The following BMP6 variants were observed in gnomAD, a reference collection of about 807,000 sequenced individuals.
BMP6 encodes bone morphogenetic protein 6, also known as VG-1-R.
In BMP6, 17 loss-of-function variants were observed where a neutral mutation model predicts 54.1. The ratio of observed to expected loss-of-function variants is 0.31; its 90% confidence interval spans 0.22 to 0.47. BMP6 has a LOEUF of 0.47. Ranked by LOEUF, BMP6 falls within the 20% of genes least tolerant of loss-of-function variation. The pLI is 1.00. For synonymous variants in BMP6, 328 were observed against 291.2 expected (o/e 1.13, Z -1.28); for missense variants, 720 against 690.4 (o/e 1.04, Z -0.48).
intron 1 of BMP6, among the ~76,000 whole-genome samples, chr6:7,817,504 C>A (rs1581260857): frequency 7.1e-6 from 1 of 141,354 alleles, no homozygotes; most frequent in South Asian, 2.2e-4. Flanking sequence ...TGTTCTCACT[C>A]ATAGGTGGGA....
At chr6:7,831,507 G>C (rs983535559) in intron 1 of BMP6, among the ~76,000 whole-genome samples, 9 of 152,170 alleles carry the variant, frequency 5.9e-5, no homozygotes, top group African/African-American at 2.2e-4. Flanking sequence ...TGTGTTAGGG[G>C]TCTATTGCTT....
chr6:7,855,517 G>A (rs1581279016), intron 2 of BMP6, among the ~76,000 whole-genome samples: 2 of 146,240 alleles, frequency 1.4e-5, no homozygotes. Context: ...GTGTGACCAT[G>A]TGCAAGCCAC....
rs189420971 is a variant in BMP6 at position 7,767,188 on chromosome 6, G to A, written c.664+39569G>A. Reference sequence around the variant, plus strand: ...TTTTTAGGAGAGACGGGGTTTCACCGCGGTCTCGATCTCCTGACCTCGTGA... The same window carrying A: ...TTTTTAGGAGAGACGGGGTTTCACCACGGTCTCGATCTCCTGACCTCGTGA... On this transcript the variant is annotated intron_variant, in intron 1 of 6. Coordinates refer to ENST00000283147, the MANE Select transcript of BMP6 (RefSeq NM_001718.6). 6.8e-3 allele frequency among the ~76,000 whole-genome samples: 1,039 copies of A among 151,902 alleles called. 1 individual carries two copies. The highest frequency in any genetic ancestry group is 0.012 in the Non-Finnish European group (791 of 67,936).
intron 1 of BMP6, among the ~76,000 whole-genome samples, chr6:7,815,454 A>G (rs1381167154): frequency 9.2e-5 from 14 of 152,242 alleles, no homozygotes; most frequent in Non-Finnish European, 4.4e-5. Context: ...GAAATAAATC[A>G]GATGTTTATA....
chr6:7,817,032 A>G (rs976570083), intron 1 of BMP6, among the ~76,000 whole-genome samples: 1 of 152,190 alleles, frequency 6.6e-6, no homozygotes, highest in Non-Finnish European at 1.5e-5. Context: ...GCAAACAAAG[A>G]TACACGTCCT....
chr6:7,738,712 T>G (rs902164709), intron 1 of BMP6, among the ~76,000 whole-genome samples: 1 of 152,236 alleles, frequency 6.6e-6, no homozygotes, highest in Non-Finnish European at 1.5e-5. Flanking sequence ...TGCAGCTTAA[T>G]TTGACACATT....
At chr6:7,762,029 C>G (rs184582005) in intron 1 of BMP6, among the ~76,000 whole-genome samples, 1 of 152,294 alleles carries the variant, frequency 6.6e-6, no homozygotes, top group African/African-American at 2.4e-5. Context: ...TCGAGCAATT[C>G]TCCTGCCTCA....
intron 1 of BMP6, among the ~76,000 whole-genome samples, chr6:7,731,506 T>G (rs1761858019): frequency 6.6e-6 from 1 of 152,226 alleles, no homozygotes; most frequent in Admixed American, 6.5e-5. Context: ...CCCTGTAGGA[T>G]GTCAGCCTCC....
intron 1 of BMP6, among the ~76,000 whole-genome samples, chr6:7,830,469 C>T (rs1008369341): frequency 2.0e-5 from 3 of 152,146 alleles, no homozygotes; most frequent in African/African-American, 4.8e-5. Flanking sequence ...AGCTAATCCC[C>T]TTGTGTTTGG....
chr6:7,806,144 G>GC (rs1386295035), intron 1 of BMP6, among the ~76,000 whole-genome samples: 3 of 152,226 alleles, frequency 2.0e-5, no homozygotes, highest in African/African-American at 7.2e-5. Flanking sequence ...CCTCCTGGGG[G>GC]CCCCGACATG....
At chr6:7,850,972 C>T (rs112839225) in intron 2 of BMP6, among the ~76,000 whole-genome samples, 2 of 152,054 alleles carry the variant, frequency 1.3e-5, no homozygotes, top group East Asian at 3.9e-4. Flanking sequence ...TCTTCTGTTC[C>T]CTGGGTTAAT....
intron 1 of BMP6, among the ~76,000 whole-genome samples, chr6:7,824,933 G>A (rs1289928904): frequency 6.6e-6 from 1 of 152,166 alleles, no homozygotes; most frequent in Non-Finnish European, 1.5e-5. Context: ...CATACCACTG[G>A]CTTATTGTCG....
At chr6:7,846,833 T>G (rs1759073052) in intron 2 of BMP6, among the ~76,000 whole-genome samples, 1 of 152,230 alleles carries the variant, frequency 6.6e-6, no homozygotes, top group African/African-American at 2.4e-5. Context: ...TGGAACTGTT[T>G]TAGCCATTGA....
intron 1 of BMP6, among the ~76,000 whole-genome samples, chr6:7,776,353 G>T (rs1757861005): frequency 6.6e-6 from 1 of 152,188 alleles, no homozygotes; most frequent in Non-Finnish European, 1.5e-5. Flanking sequence ...TAGAGACTTT[G>T]ATTTAATAAA....
intron 2 of BMP6, among the ~76,000 whole-genome samples, chr6:7,859,346 A>G (rs966552397): frequency 2.6e-5 from 4 of 151,782 alleles, no homozygotes; most frequent in African/African-American, 9.7e-5. Flanking sequence ...TATCCTTATT[A>G]TAAGTCTTTA....
At chr6:7,861,380 T>G in intron 2 of BMP6, 71 bp from the exon 3 acceptor site, 2 of 1,567,210 alleles carry the variant, frequency 1.3e-6, no homozygotes, top group Non-Finnish European at 1.7e-6. Context: ...ATCCTGACGC[T>G]GAGACAGGAA....
At chr6:7,866,135 C>T (rs758428346) in intron 4 of BMP6, among the ~76,000 whole-genome samples, 19 of 152,214 alleles carry the variant, frequency 1.2e-4, no homozygotes, top group African/African-American at 4.6e-4. Flanking sequence ...TTTCACTTGC[C>T]CTTGCTTCTC....
chr6:7,831,894 A>T (rs998252046), intron 1 of BMP6, among the ~76,000 whole-genome samples: 2 of 152,182 alleles, frequency 1.3e-5, no homozygotes, highest in Non-Finnish European at 2.9e-5. Flanking sequence ...CTCAGGAAAG[A>T]GCACGAAGCA....
rs997479617 is a variant in BMP6, at chr6:7,745,329, A to C, written c.664+17710A>C. 2.0e-5 allele frequency among the ~76,000 whole-genome samples: 3 copies of C among 152,208 alleles called. No individual in the cohort carries two copies. In the East Asian group the frequency reaches 5.8e-4, roughly 29 times the overall value. On this transcript the variant is annotated intron_variant, in intron 1 of 6. Transcript: ENST00000283147. ...CACTCTGTCACCCAGGCTGGAGTGC[A>C]GTGGTGCAATCATGGCTCAAGGCGG...
Sources: allele counts gnomAD v4.1 joint callset (sites outside exome capture counted in the v4.1 genomes callset), GRCh38; gene constraint gnomAD v4.1.1; transcripts MANE v1.5; gene names NCBI Gene and HGNC (gene_info 2026-07-23, HGNC 2026-07-21).